Variants in ACADL observed in about 807,000 individuals in gnomAD.
ACADL encodes the protein long-chain specific acyl-CoA dehydrogenase, mitochondrial.
ACADL carries 60 observed loss-of-function variants against 56.9 expected under a neutral mutation model. The ratio of observed to expected loss-of-function variants is 1.05; its 90% confidence interval spans 0.86 to 1.31. The LOEUF is 1.31. Among genes scored for constraint, ACADL ranks in the 50% most tolerant of loss-of-function variants. The pLI, the probability that ACADL is intolerant of heterozygous loss-of-function variation, is 0.00. For missense variants in ACADL, 484 were observed against 525.5 expected, an observed-to-expected ratio of 0.92 and a Z score of 0.77; for synonymous variants, 158 against 179.7, an observed-to-expected ratio of 0.88 and a Z score of 0.97.
rs12104563 is a variant in ACADL, at chr2:210,216,326, G to A, written c.536+21C>T. The A allele has an allele frequency of 5.5e-3, 8,925 of 1,612,566 alleles. 394 individuals are homozygous for A. In the African/African-American group the frequency reaches 0.098, roughly 18 times the overall value. ...AAGGCACTGCTTCCAAGAATCCAAA[G>A]CCAACTAAATATTAACTTACCTTCC... On this transcript the variant is annotated intron_variant, in intron 4 of 10. Coordinates refer to ENST00000233710, the MANE Select transcript of ACADL (RefSeq NM_001608.4).
intron 8 of ACADL, 74 bp downstream of exon 8, chr2:210,203,257 C>T: frequency 2.0e-6 from 2 of 1,007,388 alleles, no homozygotes; most frequent in Non-Finnish European, 3.1e-6. Context: ...TAACTCCAAA[C>T]TTCTATTTAC....
chr2:210,221,679 T>C (rs114867230), intron 1 of ACADL, among the ~76,000 whole-genome samples: 1,630 of 152,210 alleles, frequency 0.011, 25 homozygotes, highest in African/African-American at 0.035. Flanking sequence ...CAAAGTAGAC[T>C]TAAAGGGTTT....
chr2:210,206,750 C>T (rs1005516658), intron 5 of ACADL, among the ~76,000 whole-genome samples: 1 of 152,156 alleles, frequency 6.6e-6, no homozygotes, highest in Non-Finnish European at 1.5e-5. Context: ...GAGTCACCCT[C>T]TACATGCTGA....
rs183200404 is a variant in ACADL, at chr2:210,191,154, C to A, written c.1199+1650G>T. Among the ~76,000 whole-genome samples, 858 of 152,200 alleles carry A rather than the reference C, an allele frequency of 5.6e-3. 3 individuals carry two copies. The highest frequency in any genetic ancestry group is 0.01 in the Non-Finnish European group (694 of 68,010). On this transcript the variant is annotated intron_variant, in intron 10 of 10. Transcript: ENST00000233710. ...TCTTGAACTCTTGACCTCAGGTGATCCACCCGCTTTGGCATCCCAAAGTGC... is the reference window on the plus strand; with the variant it reads ...TCTTGAACTCTTGACCTCAGGTGATACACCCGCTTTGGCATCCCAAAGTGC...
intron 7 of ACADL, 117 bp downstream of exon 7, chr2:210,204,463 AT>A: frequency 2.6e-6 from 2 of 769,740 alleles, no homozygotes; most frequent in Non-Finnish European, 4.4e-6. Context: ...ATGATTAGCT[AT>A]TTCACAAGTT....
At chr2:210,195,457 G>T (rs1302232857) in intron 8 of ACADL, 119 bp from the exon 9 acceptor site, 23 of 1,143,052 alleles carry the variant, frequency 2.0e-5, no homozygotes, top group Non-Finnish European at 2.8e-5. Context: ...AAGTGGAATT[G>T]TTGGTTTTTT....
chr2:210,214,837 A>G (rs13424298), intron 4 of ACADL, among the ~76,000 whole-genome samples: 2,741 of 152,292 alleles, frequency 0.018, 86 homozygotes, highest in African/African-American at 0.063. Flanking sequence ...TTAAATTTCT[A>G]CTTGTTTAGA....
chr2:210,223,971 T>C (rs1689221167), intron 1 of ACADL, among the ~76,000 whole-genome samples: 1 of 152,022 alleles, frequency 6.6e-6, no homozygotes. Context: ...TCAAAAAGTT[T>C]TGAGGCAGCA....
chr2:210,225,131 T>C (rs1351072171), intron 1 of ACADL, 56 bp downstream of exon 1: 3 of 1,526,820 alleles, frequency 2.0e-6, no homozygotes, highest in South Asian at 2.4e-5. Context: ...AGTGACTCGC[T>C]GCCCCACCCC....
At chr2:210,224,942 A>G (rs1007785324) in intron 1 of ACADL, 1 of 1,340,420 alleles carries the variant, frequency 7.5e-7, no homozygotes, top group African/African-American at 1.6e-5. Context: ...GCTTTCCCCG[A>G]CGTGGGCTCG....
chr2:210,190,901 TTTG>T (rs1158751817), intron 10 of ACADL, among the ~76,000 whole-genome samples: 30 of 139,490 alleles, frequency 2.2e-4, no homozygotes, highest in African/African-American at 4.6e-4. Flanking sequence ...ATGTGGCTTT[TTTG>T]TTGTTGTTGT....
chr2:210,191,629 C>A (rs1688634102), intron 10 of ACADL, among the ~76,000 whole-genome samples: 1 of 152,106 alleles, frequency 6.6e-6, no homozygotes, highest in African/African-American at 2.4e-5. Flanking sequence ...ATTATACTTA[C>A]CAAAAAGATA....
At position 210,203,444 on chromosome 2, in the gene ACADL, C is replaced by T. The variant is rs754063899; in HGVS notation, c.871G>A (p.Glu291Lys). 2.4e-5 allele frequency: 39 copies of T among 1,607,534 alleles called. No individual in the cohort carries two copies. The highest frequency in any genetic ancestry group is 3.2e-5 in the Non-Finnish European group (38 of 1,175,110). The change falls in exon 8 of 11, where the codon GAA becomes AAA. Residue 291 changes from glutamate to lysine, a missense_variant and splice_region_variant. Physicochemically the swap from Glu to Lys is moderately conservative, Grantham distance 56 (BLOSUM62 1). Coordinates refer to ENST00000233710, the MANE Select transcript of ACADL (RefSeq NM_001608.4). The stretch of plus-strand genomic sequence containing the variant: ...GCCACATCAGCAATTAACAGCCTTT[C>T]CTATAACACAAAAATTAGGTCTTAA... ...FYYIMKELPQ[E>K]RLLIADVAIS...
At chr2:210,206,882 G>A (rs1688896085) in intron 5 of ACADL, among the ~76,000 whole-genome samples, 1 of 151,958 alleles carries the variant, frequency 6.6e-6, no homozygotes, top group Non-Finnish European at 1.5e-5. Flanking sequence ...CTCCTGGTAA[G>A]CCACATTTCT....
At position 210,225,297 on chromosome 2, in the gene ACADL, C is replaced by G. The variant is rs1384910489; in HGVS notation, c.-34G>C. On this transcript the variant is annotated 5_prime_UTR_variant, in exon 1 of 11. Coordinates refer to ENST00000233710, the MANE Select transcript of ACADL (RefSeq NM_001608.4). Reference sequence around the variant, plus strand: ...CACAGGGGCGGCGGGGCGACGGAGGCGACTCTGCGGCTACTCGGCGACTCG... The same window carrying G: ...CACAGGGGCGGCGGGGCGACGGAGGGGACTCTGCGGCTACTCGGCGACTCG... The G allele has an allele frequency of 6.5e-7, 1 of 1,539,006 alleles. No individual in the cohort carries two copies. The highest frequency in any genetic ancestry group is 8.7e-7 in the Non-Finnish European group (1 of 1,147,668).
intron 4 of ACADL, among the ~76,000 whole-genome samples, chr2:210,211,291 A>G (rs1007064925): frequency 6.6e-6 from 1 of 152,210 alleles, no homozygotes; most frequent in Non-Finnish European, 1.5e-5. Flanking sequence ...TTTAAGAAAT[A>G]ATCCCCTATT....
At chr2:210,189,671 A>G (rs190596202) in intron 10 of ACADL, among the ~76,000 whole-genome samples, 6 of 152,106 alleles carry the variant, frequency 3.9e-5, no homozygotes, top group Admixed American at 3.3e-4. Flanking sequence ...GAAAAAAAAA[A>G]CCCAAATATC....
intron 10 of ACADL, among the ~76,000 whole-genome samples, chr2:210,190,209 C>T (rs971550517): frequency 1.3e-5 from 2 of 152,050 alleles, no homozygotes; most frequent in African/African-American, 2.4e-5. Context: ...ATATGATTTA[C>T]GGTGTTACAA....
intron 4 of ACADL, among the ~76,000 whole-genome samples, chr2:210,215,139 A>C (rs979839258): frequency 1.3e-5 from 2 of 152,182 alleles, no homozygotes; most frequent in African/African-American, 4.8e-5. Flanking sequence ...CTGTTGACCC[A>C]CAAGTTGCTG....
Sources: allele counts gnomAD v4.1 joint callset (sites outside exome capture counted in the v4.1 genomes callset), GRCh38; gene constraint gnomAD v4.1.1; transcripts MANE v1.5; gene names NCBI Gene and HGNC (gene_info 2026-07-23, HGNC 2026-07-21).